The following ZMYND12 variants were observed in gnomAD, a reference collection of about 807,000 sequenced individuals.
ZMYND12 encodes zinc finger MYND-type containing 12.
In ZMYND12, 32 loss-of-function variants were observed where a neutral mutation model predicts 41.7. The ratio of observed to expected loss-of-function variants is 0.77; its 90% CI spans 0.58 to 1.03. The LOEUF (loss-of-function observed/expected upper bound fraction) is 1.03. ZMYND12 is among the 50% of genes least tolerant of loss of function. The probability of loss-of-function intolerance (pLI) is 0.00; values close to 1 mark genes in which losing one functional copy is unlikely to be tolerated. For missense variants in ZMYND12, 424 were observed against 438.5 expected (o/e 0.97, Z 0.30); for synonymous variants, 148 against 164.8 (o/e 0.90, Z 0.78).
At chr1:42,440,273 T>A (rs1358299915) in intron 3 of ZMYND12, among the ~76,000 whole-genome samples, 3 of 151,942 alleles carry the variant, frequency 2.0e-5, no homozygotes, top group Non-Finnish European at 2.9e-5. Flanking sequence ...TCCATCTCCA[T>A]CTCCATCTCC....
intron 3 of ZMYND12, among the ~76,000 whole-genome samples, chr1:42,446,082 C>T (rs543498130): frequency 2.0e-5 from 3 of 152,216 alleles, no homozygotes; most frequent in East Asian, 1.9e-4. Flanking sequence ...GGAACCCACA[C>T]AAGTGAGGAG....
intron 1 of ZMYND12, 75 bp from the exon 2 acceptor site, chr1:42,450,134 C>A: frequency 6.4e-7 from 1 of 1,553,368 alleles, no homozygotes; most frequent in Admixed American, 1.7e-5. Flanking sequence ...TCCTACTGGC[C>A]TATCCCTAGA....
At position 42,430,533 on chromosome 1, in the gene ZMYND12, G is replaced by GT; in HGVS notation, c.*202dup. 1 of 566,062 alleles carries GT rather than the reference G, an allele frequency of 1.8e-6. No individual in the cohort carries two copies. The highest frequency in any genetic ancestry group is 3.0e-6 in the Non-Finnish European group (1 of 335,312). The allele number at this position is 566,062 out of a possible 1,614,324, so 35.1% of individuals were successfully genotyped here. On this transcript the variant is annotated 3_prime_UTR_variant, in exon 8 of 8. Coordinates refer to ENST00000372565, the MANE Select transcript of ZMYND12 (RefSeq NM_032257.5). Reference sequence around the variant, plus strand: ...AAGTACAAAGGTCATGACAAACACAGTTTTTAGTGATTTCTATGCCTAAAG... The same window carrying GT: ...AAGTACAAAGGTCATGACAAACACAGTTTTTTAGTGATTTCTATGCCTAAAG...
chr1:42,453,149 T>C (rs530574463), intron 1 of ZMYND12, among the ~76,000 whole-genome samples: 7 of 152,040 alleles, frequency 4.6e-5, no homozygotes, highest in African/African-American at 1.7e-4. Context: ...TTTTGTTTTA[T>C]CAAAAAATCT....
In ZMYND12 at chr1:42,448,341, A is replaced by G. The variant is rs113877000; in HGVS notation, c.424+126T>C. 8.9e-4 allele frequency: 1,040 copies of G among 1,163,362 alleles called. 3 individuals carry two copies. The African/African-American group carries it at 0.015, about 17-fold the overall frequency. 72.1% of individuals were successfully genotyped at this position (1,163,362 alleles called of 1,614,324 possible). ...TTCCCTACCTTGTGCTAAACTTTAC[A>G]GCAACCCTGCTCCTTCTACAATAGG... On this transcript the variant is annotated intron_variant, in intron 3 of 7. Coordinates refer to ENST00000372565, the MANE Select transcript of ZMYND12 (RefSeq NM_032257.5).
chr1:42,441,596 C>T (rs540230276), intron 3 of ZMYND12, among the ~76,000 whole-genome samples: 13 of 149,652 alleles, frequency 8.7e-5, no homozygotes, highest in African/African-American at 2.7e-4. Context: ...TTTATAAGCC[C>T]ACAAGTAACA....
intron 3 of ZMYND12, among the ~76,000 whole-genome samples, chr1:42,446,144 G>A (rs561555685): frequency 4.1e-4 from 62 of 152,244 alleles, no homozygotes; most frequent in African/African-American, 1.4e-3. Flanking sequence ...CCCATGGAGC[G>A]GGAAGAGGTA....
chr1:42,433,625 G>C lies in ZMYND12; in HGVS notation c.830-337C>G, dbSNP rs147849005. Among the ~76,000 whole-genome samples the C allele has an allele frequency of 9.6e-4, 146 of 152,294 alleles. 1 individual carries two copies. In the Middle Eastern group the frequency reaches 0.01, roughly 11 times the overall value. On this transcript the variant is annotated intron_variant, in intron 6 of 7. Transcript: ENST00000372565. ...TAGATCTCTTGGGCTTACAAACACA[G>C]ATAATCTGCCACAGGCAGATTCCTT...
At chr1:42,437,483 A>C (rs968994679) in intron 4 of ZMYND12, among the ~76,000 whole-genome samples, 1 of 118,782 alleles carries the variant, frequency 8.4e-6, no homozygotes, top group African/African-American at 3.2e-5. Context: ...TGTGTGTTTA[A>C]AAAGCTAGGC....
rs772856505 is a variant in ZMYND12 at position 42,435,436 on chromosome 1, C to T, written c.718-51G>A. On this transcript the variant is annotated intron_variant, in intron 5 of 7. Coordinates refer to ENST00000372565, the MANE Select transcript of ZMYND12 (RefSeq NM_032257.5). ...AACAAGCAGGCCAGACCTCAGCCGT[C>T]GGACCAGGCAGGTGAGGAGAGTAGC... The T allele has an allele frequency of 3.4e-5, 49 of 1,420,786 alleles. No homozygotes were observed. In the African/African-American group the frequency reaches 4.2e-4, roughly 12 times the overall value. The allele number at this position is 1,420,786 out of a possible 1,614,324, so 88.0% of individuals were successfully genotyped here.
intron 1 of ZMYND12, among the ~76,000 whole-genome samples, chr1:42,453,041 T>C (rs1643099090): frequency 6.6e-6 from 1 of 151,646 alleles, no homozygotes; most frequent in Non-Finnish European, 1.5e-5. Context: ...AAACTTGGGA[T>C]GATGAAAAGG....
chr1:42,443,476 G>A (rs752094406), intron 3 of ZMYND12, among the ~76,000 whole-genome samples: 1 of 152,194 alleles, frequency 6.6e-6, no homozygotes, highest in Non-Finnish European at 1.5e-5. Flanking sequence ...GGCTTACACT[G>A]GGTTAACGGC....
At chr1:42,450,754 T>C (rs922082008) in intron 1 of ZMYND12, among the ~76,000 whole-genome samples, 1 of 152,228 alleles carries the variant, frequency 6.6e-6, no homozygotes, top group Non-Finnish European at 1.5e-5. Context: ...CTCTGAGTAC[T>C]GCTTTGCCAG....
At chr1:42,431,037 C>T (rs982503928) in intron 7 of ZMYND12, among the ~76,000 whole-genome samples, 179 bp from the exon 8 acceptor site, 14 of 152,158 alleles carry the variant, frequency 9.2e-5, no homozygotes, top group African/African-American at 3.4e-4. Context: ...GCCACATGTG[C>T]GCTGGGCAGG....
chr1:42,433,058 G>A, intron 7 of ZMYND12, 85 bp downstream of exon 7: 1 of 1,560,998 alleles, frequency 6.4e-7, no homozygotes, highest in Non-Finnish European at 8.7e-7. Flanking sequence ...AAAGCTATTG[G>A]AATTGGGCAA....
At chr1:42,438,117 C>G (rs923866753) in intron 4 of ZMYND12, among the ~76,000 whole-genome samples, 9 of 152,214 alleles carry the variant, frequency 5.9e-5, no homozygotes, top group African/African-American at 2.2e-4. Context: ...CCTACTAATT[C>G]TTAACTGTGT....
intron 3 of ZMYND12, among the ~76,000 whole-genome samples, chr1:42,444,839 C>G (rs1029452396): frequency 4.4e-5 from 6 of 135,312 alleles, no homozygotes; most frequent in Non-Finnish European, 9.4e-5. Context: ...GAGTCTCGCT[C>G]TGTCACCCAG....
Position 42,448,452 on chromosome 1 carries a change from G to A in ZMYND12, c.424+15C>T, listed in dbSNP as rs2148409586. 1 of 1,569,404 alleles carries A rather than the reference G, an allele frequency of 6.4e-7. No individual in the cohort carries two copies. The highest frequency in any genetic ancestry group is 1.4e-5 in the African/African-American group (1 of 73,308). ...CACTTAAGGGATCCAAGGATCTCAAGTCGGTTTCACTCACCAAGGCTGGCC... is the reference window on the plus strand; with the variant it reads ...CACTTAAGGGATCCAAGGATCTCAAATCGGTTTCACTCACCAAGGCTGGCC... On this transcript the variant is annotated intron_variant, in intron 3 of 7. Transcript: ENST00000372565.
intron 3 of ZMYND12, among the ~76,000 whole-genome samples, chr1:42,440,286 G>A (rs1642955791): frequency 6.6e-6 from 1 of 152,026 alleles, no homozygotes; most frequent in Non-Finnish European, 1.5e-5. Context: ...CCATCTCCAT[G>A]AGTGGAATAT....
Sources: allele counts gnomAD v4.1 joint callset (sites outside exome capture counted in the v4.1 genomes callset), GRCh38; gene constraint gnomAD v4.1.1; transcripts MANE v1.5; gene names NCBI Gene and HGNC (gene_info 2026-07-23, HGNC 2026-07-21).